Variants in WASF1 observed in about 807,000 individuals in gnomAD.
WASF1 encodes actin-binding protein WASF1.
A neutral mutation model predicts 50.5 loss-of-function variants in WASF1; 7 were observed. The ratio of observed to expected loss-of-function variants is 0.14; its 90% CI spans 0.08 to 0.26. The LOEUF (loss-of-function observed/expected upper bound fraction) is 0.26. Ranked by LOEUF, WASF1 falls within the 10% of genes least tolerant of loss-of-function variation. WASF1 has a pLI of 1.00. For missense variants in WASF1, 470 were observed against 694.7 expected (o/e 0.68, Z 3.64); for synonymous variants, 205 against 244.0 (o/e 0.84, Z 1.49).
At chr6:110,121,106 C>T (rs1014446714) in intron 4 of WASF1, among the ~76,000 whole-genome samples, 1 of 152,170 alleles carries the variant, frequency 6.6e-6, no homozygotes, top group Admixed American at 6.5e-5. Context: ...CTAGGCAATA[C>T]CATTCAGGAC....
intron 3 of WASF1, among the ~76,000 whole-genome samples, chr6:110,152,198 C>T (rs773145266): frequency 3.9e-5 from 6 of 151,974 alleles, no homozygotes; most frequent in Non-Finnish European, 7.4e-5. Context: ...CAGCTGACAA[C>T]GGAGAAAGGA....
intron 9 of WASF1, 35 bp from the exon 10 acceptor site, chr6:110,102,251 A>G: frequency 1.5e-6 from 2 of 1,361,724 alleles, no homozygotes; most frequent in Non-Finnish European, 1.9e-6. Context: ...AAGTTATTAA[A>G]AGAGAAAAGC....
chr6:110,108,950 C>A (rs1204526828), intron 5 of WASF1, among the ~76,000 whole-genome samples: 1 of 152,206 alleles, frequency 6.6e-6, no homozygotes, highest in Admixed American at 6.5e-5. Flanking sequence ...AACATATCTA[C>A]ATTTCAACCA....
chr6:110,136,399 C>T (rs1036157785), intron 3 of WASF1, among the ~76,000 whole-genome samples: 7 of 152,130 alleles, frequency 4.6e-5, no homozygotes, highest in Non-Finnish European at 7.3e-5. Flanking sequence ...TTGCAGTGGT[C>T]TACGTATGTC....
chr6:110,144,585 T>C (rs1272525938), intron 3 of WASF1, among the ~76,000 whole-genome samples: 3 of 152,208 alleles, frequency 2.0e-5, no homozygotes, highest in Non-Finnish European at 2.9e-5. Flanking sequence ...TCTAGGGTTT[T>C]TATGGTTTTA....
intron 1 of WASF1, 75 bp downstream of exon 1, chr6:110,179,364 C>T (rs1385159557): frequency 1.3e-5 from 2 of 152,458 alleles, no homozygotes; most frequent in African/African-American, 4.8e-5. Flanking sequence ...TCGGTCTGCT[C>T]CGGCCAGTAA....
chr6:110,132,963 TACACAC>T (rs142466639), intron 3 of WASF1, among the ~76,000 whole-genome samples: 7 of 130,142 alleles, frequency 5.4e-5, no homozygotes, highest in African/African-American at 1.2e-4. Context: ...CCATGGTGTA[TACACAC>T]ACACACACAC....
intron 3 of WASF1, among the ~76,000 whole-genome samples, chr6:110,146,447 C>T (rs1315160477): frequency 6.6e-6 from 1 of 151,658 alleles, no homozygotes; most frequent in Admixed American, 6.6e-5. Flanking sequence ...TGACAAAATA[C>T]TTTATAATTG....
At chr6:110,152,782 T>C (rs942470057) in intron 3 of WASF1, among the ~76,000 whole-genome samples, 2 of 152,230 alleles carry the variant, frequency 1.3e-5, no homozygotes, top group Non-Finnish European at 2.9e-5. Flanking sequence ...TAAGCAGTGA[T>C]AGAAAACTAA....
intron 2 of WASF1, among the ~76,000 whole-genome samples, chr6:110,171,840 AAAAC>A (rs1458560907): frequency 3.9e-5 from 6 of 152,298 alleles, no homozygotes; most frequent in African/African-American, 1.4e-4. Context: ...TTACAAGAAA[AAAAC>A]AAACAACTCC....
At chr6:110,115,131 A>T (rs930595971) in intron 4 of WASF1, among the ~76,000 whole-genome samples, 1 of 151,992 alleles carries the variant, frequency 6.6e-6, no homozygotes, top group African/African-American at 2.4e-5. Flanking sequence ...ACAAAACAGA[A>T]AAGAAAAAGA....
At chr6:110,134,517 T>C (rs898880829) in intron 3 of WASF1, among the ~76,000 whole-genome samples, 5 of 151,796 alleles carry the variant, frequency 3.3e-5, no homozygotes, top group Admixed American at 3.3e-4. Context: ...CTCTGCCTCC[T>C]GGGTTCAAGT....
intron 3 of WASF1, among the ~76,000 whole-genome samples, chr6:110,141,772 C>CT (rs201112030): frequency 1.8e-3 from 263 of 145,642 alleles, no homozygotes; most frequent in African/African-American, 2.4e-3. Flanking sequence ...ATACACTTAT[C>CT]TTTTTTTTTT....
chr6:110,104,529 A>G (rs1773233212), intron 8 of WASF1, among the ~76,000 whole-genome samples: 1 of 152,160 alleles, frequency 6.6e-6, no homozygotes. Flanking sequence ...TGGCTCACAC[A>G]TGCAATCCCA....
At chr6:110,135,211 T>C (rs555652664) in intron 3 of WASF1, among the ~76,000 whole-genome samples, 9 of 152,326 alleles carry the variant, frequency 5.9e-5, no homozygotes, top group African/African-American at 2.2e-4. Context: ...TATTTGTGTA[T>C]ATTAATTTTG....
chr6:110,118,739 A>G (rs1396309082), intron 4 of WASF1, among the ~76,000 whole-genome samples: 1 of 152,208 alleles, frequency 6.6e-6, no homozygotes, highest in Non-Finnish European at 1.5e-5. Flanking sequence ...AATAGAATAT[A>G]CATTCTTCTC....
intron 2 of WASF1, among the ~76,000 whole-genome samples, chr6:110,170,115 A>G (rs1215619452): frequency 1.3e-5 from 2 of 152,192 alleles, no homozygotes; most frequent in Admixed American, 6.6e-5. Flanking sequence ...AACCACTTAC[A>G]AAACATTTTA....
At chr6:110,142,289 ATAT>A (rs1343540721) in intron 3 of WASF1, among the ~76,000 whole-genome samples, 1 of 151,976 alleles carries the variant, frequency 6.6e-6, no homozygotes, top group Non-Finnish European at 1.5e-5. Context: ...TAGTTTTGAA[ATAT>A]TATCCAAATC....
At chr6:110,142,564 T>C (rs1338382805) in intron 3 of WASF1, among the ~76,000 whole-genome samples, 1 of 152,142 alleles carries the variant, frequency 6.6e-6, no homozygotes, top group African/African-American at 2.4e-5. Context: ...CTGATTCCCA[T>C]TTTAGAGCAA....
Sources: allele counts gnomAD v4.1 joint callset (sites outside exome capture counted in the v4.1 genomes callset), GRCh38; gene constraint gnomAD v4.1.1; transcripts MANE v1.5; gene names NCBI Gene and HGNC (gene_info 2026-07-23, HGNC 2026-07-21).